NCAM1: variants seen among roughly 807,000 people sequenced by gnomAD.
NCAM1 encodes the protein neural cell adhesion molecule 1.
Under a neutral mutation model 109.8 loss-of-function variants are expected in NCAM1, and 14 were observed. The ratio of observed to expected loss-of-function variants is 0.13; its 90% confidence interval spans 0.08 to 0.20. The LOEUF is 0.20. NCAM1 is among the 10% of genes least tolerant of loss of function. The pLI, the probability that NCAM1 is intolerant of heterozygous loss-of-function variation, is 1.00. For missense variants in NCAM1, 774 were observed against 1,109.9 expected (o/e 0.70, Z 4.30); for synonymous variants, 418 against 442.9 (o/e 0.94, Z 0.70).
chr11:113,048,670 G>C (rs1484401667), intron 1 of NCAM1, among the ~76,000 whole-genome samples: 1 of 152,186 alleles, frequency 6.6e-6, no homozygotes, highest in Admixed American at 6.5e-5. Context: ...CCATGGTCTA[G>C]TGTTAAGGAG....
chr11:113,122,388 T>C (rs1555096284), intron 1 of NCAM1, among the ~76,000 whole-genome samples: 2 of 152,208 alleles, frequency 1.3e-5, no homozygotes, highest in African/African-American at 4.8e-5. Context: ...TTAGTGTCAT[T>C]GTCACTCAAG....
intron 7 of NCAM1, among the ~76,000 whole-genome samples, chr11:113,212,106 A>G (rs1555113719): frequency 6.6e-6 from 1 of 152,208 alleles, no homozygotes; most frequent in Non-Finnish European, 1.5e-5. Flanking sequence ...CTGTTTGCCT[A>G]CTAATGCCCT....
intron 14 of NCAM1, among the ~76,000 whole-genome samples, chr11:113,245,331 A>G (rs1387052567): frequency 3.9e-5 from 6 of 152,202 alleles, no homozygotes; most frequent in Non-Finnish European, 1.5e-5. Context: ...AGTCCCAGCC[A>G]TTCAGGAGGC....
intron 1 of NCAM1, among the ~76,000 whole-genome samples, chr11:113,132,312 T>C (rs1316327690): frequency 6.6e-6 from 1 of 152,200 alleles, no homozygotes; most frequent in Non-Finnish European, 1.5e-5. Flanking sequence ...CCCAGGAGAC[T>C]CTGACCTAAA....
intron 1 of NCAM1, among the ~76,000 whole-genome samples, chr11:113,164,057 A>G (rs1198980301): frequency 6.6e-6 from 1 of 152,188 alleles, no homozygotes; most frequent in Non-Finnish European, 1.5e-5. Context: ...CCCCTTGTGC[A>G]GATATCACTG....
chr11:113,238,685 G>A (rs1945243187), intron 14 of NCAM1, among the ~76,000 whole-genome samples: 1 of 152,228 alleles, frequency 6.6e-6, no homozygotes, highest in South Asian at 2.1e-4. Context: ...CAGTTTAGCT[G>A]TGTGCTTGCA....
At chr11:113,261,088 C>A (rs1945980283) in intron 17 of NCAM1, among the ~76,000 whole-genome samples, 1 of 152,200 alleles carries the variant, frequency 6.6e-6, no homozygotes, top group Non-Finnish European at 1.5e-5. Flanking sequence ...CAAATGCCAA[C>A]CCCAGGCAGG....
At chr11:113,223,228 A>G (rs1040236259) in intron 9 of NCAM1, among the ~76,000 whole-genome samples, 13 of 152,310 alleles carry the variant, frequency 8.5e-5, no homozygotes, top group African/African-American at 2.2e-4. Context: ...GAAGTTGTGC[A>G]GGAGCCATAG....
intron 14 of NCAM1, chr11:113,236,308 T>C: frequency 6.2e-7 from 1 of 1,613,754 alleles, no homozygotes; most frequent in Non-Finnish European, 8.5e-7. Context: ...CAGATAGCCC[T>C]CCTCCACGTA....
rs1425872316 is a variant in NCAM1 at position 113,234,255 on chromosome 11, G to A, written c.1694-778G>A. Among the ~76,000 whole-genome samples, 10 of 132,308 alleles carry A rather than the reference G, an allele frequency of 7.6e-5. No homozygotes were observed. The East Asian group carries it at 8.1e-4, about 11-fold the overall frequency. 86.8% of individuals were successfully genotyped at this position (132,308 alleles called of 152,430 possible). ...ATCTCATGTCACTATCTGTCCACCCGACTTTTTTTTTTTTTTAAAGATCAA... is the reference window on the plus strand; with the variant it reads ...ATCTCATGTCACTATCTGTCCACCCAACTTTTTTTTTTTTTTAAAGATCAA... On this transcript the variant is annotated intron_variant, in intron 13 of 19. Transcript: ENST00000316851.
At chr11:113,126,145 T>C (rs1183469333) in intron 1 of NCAM1, among the ~76,000 whole-genome samples, 3 of 96,788 alleles carry the variant, frequency 3.1e-5, no homozygotes, top group African/African-American at 1.0e-4. Flanking sequence ...GACAGAGTGA[T>C]ACCCTTTCTC....
intron 8 of NCAM1, among the ~76,000 whole-genome samples, chr11:113,214,935 T>C (rs1323387451): frequency 6.6e-6 from 1 of 152,214 alleles, no homozygotes; most frequent in Non-Finnish European, 1.5e-5. Flanking sequence ...TTCTTTTTCT[T>C]GTGTTTGTAT....
intron 1 of NCAM1, among the ~76,000 whole-genome samples, chr11:112,997,121 C>G (rs1555071560): frequency 6.6e-6 from 1 of 151,850 alleles, no homozygotes. Context: ...AGGGTTCACT[C>G]CCTTTCCTGG....
At chr11:112,961,758 C>T in intron 1 of NCAM1, 94 bp downstream of exon 1, 1 of 804,232 alleles carries the variant, frequency 1.2e-6, no homozygotes, top group Admixed American at 2.4e-5. Flanking sequence ...GGTGGTTTTA[C>T]GTGGACTGCT....
At chr11:113,172,718 T>C (rs1201424067) in intron 1 of NCAM1, among the ~76,000 whole-genome samples, 4 of 152,212 alleles carry the variant, frequency 2.6e-5, no homozygotes, top group Non-Finnish European at 5.9e-5. Context: ...TGTTTTACCA[T>C]GAAAAGTCGG....
intron 9 of NCAM1, among the ~76,000 whole-genome samples, chr11:113,226,418 C>T (rs1277135775): frequency 2.6e-5 from 4 of 152,162 alleles, no homozygotes; most frequent in East Asian, 1.9e-4. Context: ...CAGGAGCACC[C>T]GGATTCATAA....
chr11:113,237,965 G>T (rs1338355443), intron 14 of NCAM1, among the ~76,000 whole-genome samples: 3 of 143,510 alleles, frequency 2.1e-5, no homozygotes, highest in East Asian at 2.0e-4. Context: ...TAGATAGATA[G>T]ATAGATATAG....
At chr11:113,200,724 G>A (rs531314260) in intron 1 of NCAM1, among the ~76,000 whole-genome samples, 2 of 152,264 alleles carry the variant, frequency 1.3e-5, no homozygotes, top group African/African-American at 4.8e-5. Context: ...TGAGGAGAAT[G>A]ACAGGAGAAA....
chr11:113,014,327 A>G (rs2135159380), intron 1 of NCAM1, among the ~76,000 whole-genome samples: 1 of 152,258 alleles, frequency 6.6e-6, no homozygotes, highest in South Asian at 2.1e-4. Flanking sequence ...CATTTTCTCC[A>G]AGCAGATGGG....
Sources: gnomAD v4.1 joint callset for allele counts (sites outside exome capture counted in the v4.1 genomes callset) on GRCh38, gnomAD v4.1.1 for gene constraint, MANE v1.5 for transcripts, NCBI Gene and HGNC (gene_info 2026-07-23, HGNC 2026-07-21) for gene names.